Variants in MBD5 observed in about 807,000 individuals in gnomAD.
MBD5 encodes the protein methyl-CpG binding domain protein 5.
Under a neutral mutation model 117.3 loss-of-function variants are expected in MBD5, and 13 were observed. The ratio of observed to expected loss-of-function variants is 0.11; its 90% CI spans 0.07 to 0.18. MBD5 has a LOEUF of 0.18. Ranked by LOEUF, MBD5 falls within the 10% of genes least tolerant of loss-of-function variation. MBD5 has a pLI of 1.00. For synonymous variants in MBD5, 727 were observed against 766.4 expected, an observed-to-expected ratio of 0.95 and a Z score of 0.85; for missense variants, 1,879 against 2,093.8, an observed-to-expected ratio of 0.90 and a Z score of 2.00.
rs73965359 is a variant in MBD5 at position 148,373,815 on chromosome 2, T to G, written c.-557+31479T>G. On this transcript the variant is annotated intron_variant, in intron 4 of 13. Coordinates refer to ENST00000642680, the MANE Select transcript of MBD5 (RefSeq NM_001378120.1). ...ATTAGAATTATTCATAATACTTTAA[T>G]TGACTTTGTGGCTTTCCTCTGTCCT... Among the ~76,000 whole-genome samples, 1,368 of 152,298 alleles carry G rather than the reference T, an allele frequency of 9.0e-3. 17 individuals carry two copies. The highest frequency in any genetic ancestry group is 0.031 in the African/African-American group (1,302 of 41,568).
At chr2:148,022,481 C>A (rs1339913437) in intron 1 of MBD5, among the ~76,000 whole-genome samples, 2 of 152,118 alleles carry the variant, frequency 1.3e-5, no homozygotes, top group African/African-American at 4.8e-5. Flanking sequence ...AGAATATTAG[C>A]TATTTTATAA....
chr2:148,231,532 G>A (rs546248204), intron 2 of MBD5, among the ~76,000 whole-genome samples: 2 of 142,210 alleles, frequency 1.4e-5, no homozygotes, highest in East Asian at 4.1e-4. Flanking sequence ...TGATTTTTGA[G>A]TCTTATGAAG....
chr2:148,271,363 C>G (rs1386618487), intron 3 of MBD5, among the ~76,000 whole-genome samples: 1 of 152,140 alleles, frequency 6.6e-6, no homozygotes, highest in Non-Finnish European at 1.5e-5. Flanking sequence ...TTAGGTACAT[C>G]TGTTATATTG....
At chr2:148,329,803 A>T (rs967578976) in intron 3 of MBD5, among the ~76,000 whole-genome samples, 1 of 152,166 alleles carries the variant, frequency 6.6e-6, no homozygotes. Flanking sequence ...TTAACAGGGT[A>T]CTTTGGTTTT....
At chr2:148,473,054 A>T (rs929058081) in intron 8 of MBD5, among the ~76,000 whole-genome samples, 2 of 152,174 alleles carry the variant, frequency 1.3e-5, no homozygotes, top group Non-Finnish European at 2.9e-5. Flanking sequence ...GCTCAAAAGT[A>T]TTGTGTTCCC....
rs571669352 is a variant in MBD5 at position 148,375,240 on chromosome 2, A to G, written c.-557+32904A>G. Among the ~76,000 whole-genome samples the G allele has an allele frequency of 4.6e-5, 7 of 152,346 alleles. No individual in the cohort carries two copies. In the South Asian group the frequency reaches 1.0e-3, roughly 23 times the overall value. On this transcript the variant is annotated intron_variant, in intron 4 of 13. Transcript: ENST00000642680. ...ATTTTTTTACATTTTACACTTTTCT[A>G]CCAGTCAGTATTCTTTATTGCAAAC... is the stretch of plus-strand genomic sequence containing the variant.
intron 2 of MBD5, among the ~76,000 whole-genome samples, chr2:148,216,733 G>A (rs1215910513): frequency 3.9e-5 from 6 of 152,158 alleles, no homozygotes; most frequent in Non-Finnish European, 7.3e-5. Context: ...GTAGCCTAGT[G>A]CTAGGTCTTC....
chr2:148,511,662 C>T (rs1682218101), intron 13 of MBD5, among the ~76,000 whole-genome samples: 1 of 152,112 alleles, frequency 6.6e-6, no homozygotes, highest in Non-Finnish European at 1.5e-5. Flanking sequence ...CACATTTGGT[C>T]CACAGATTAC....
At chr2:148,382,123 G>A (rs1349198832) in intron 4 of MBD5, among the ~76,000 whole-genome samples, 19 of 151,846 alleles carry the variant, frequency 1.3e-4, no homozygotes, top group Admixed American at 1.2e-3. Context: ...AACCTCAAAT[G>A]TAAATGGGCT....
At chr2:148,327,754 T>G (rs1702499694) in intron 3 of MBD5, among the ~76,000 whole-genome samples, 1 of 152,154 alleles carries the variant, frequency 6.6e-6, no homozygotes, top group Admixed American at 6.5e-5. Flanking sequence ...TAAATTTTTT[T>G]CAAAGTTTTC....
At chr2:148,447,140 AGAG>A (rs1212704927) in intron 4 of MBD5, among the ~76,000 whole-genome samples, 8 of 150,312 alleles carry the variant, frequency 5.3e-5, no homozygotes, top group Non-Finnish European at 1.2e-4. Context: ...AAAGAGAGAG[AGAG>A]AAAGAAAGAA....
chr2:148,455,087 T>A (rs769678043), intron 4 of MBD5, among the ~76,000 whole-genome samples: 37 of 152,174 alleles, frequency 2.4e-4, no homozygotes, highest in Non-Finnish European at 4.4e-4. Context: ...GCAGTGAGAT[T>A]ACAGTTCAGT....
At chr2:148,023,764 T>G (rs1261403958) in intron 1 of MBD5, among the ~76,000 whole-genome samples, 1 of 152,102 alleles carries the variant, frequency 6.6e-6, no homozygotes, top group Non-Finnish European at 1.5e-5. Flanking sequence ...CTTATTTTGT[T>G]TCTTTTTTTT....
intron 1 of MBD5, among the ~76,000 whole-genome samples, chr2:148,108,827 C>T (rs1173588512): frequency 1.3e-5 from 2 of 152,106 alleles, no homozygotes; most frequent in African/African-American, 4.8e-5. Context: ...AAATCCCAAC[C>T]GATTATGAAC....
chr2:148,080,997 G>C (rs1236541661), intron 1 of MBD5, among the ~76,000 whole-genome samples: 1 of 152,092 alleles, frequency 6.6e-6, no homozygotes, highest in Non-Finnish European at 1.5e-5. Context: ...ACCATTTGCT[G>C]CTTCTAATTA....
chr2:148,509,335 C>G (rs755230557), intron 12 of MBD5, among the ~76,000 whole-genome samples: 1 of 152,156 alleles, frequency 6.6e-6, no homozygotes, highest in Admixed American at 6.5e-5. Flanking sequence ...CTTCATAGAT[C>G]TAAGCTTCAA....
intron 2 of MBD5, among the ~76,000 whole-genome samples, chr2:148,183,125 ATAAG>A (rs1176634235): frequency 1.3e-5 from 2 of 152,222 alleles, no homozygotes; most frequent in African/African-American, 2.4e-5. Flanking sequence ...TGATAAAAGA[ATAAG>A]TAAAGCATCA....
chr2:148,204,601 A>G (rs1352658359), intron 2 of MBD5, among the ~76,000 whole-genome samples: 1 of 152,204 alleles, frequency 6.6e-6, no homozygotes, highest in Non-Finnish European at 1.5e-5. Flanking sequence ...TAGAAGGGGA[A>G]AAAGTCAGAC....
intron 2 of MBD5, among the ~76,000 whole-genome samples, chr2:148,209,066 CT>C (rs1699354164): frequency 6.6e-6 from 1 of 152,048 alleles, no homozygotes. Flanking sequence ...TATATTGTAA[CT>C]TTTTCATTTT....
Sources: gnomAD v4.1 joint callset for allele counts (sites outside exome capture counted in the v4.1 genomes callset) on GRCh38, gnomAD v4.1.1 for gene constraint, MANE v1.5 for transcripts, NCBI Gene and HGNC (gene_info 2026-07-23, HGNC 2026-07-21) for gene names.